PTPRF: variants seen among roughly 807,000 people sequenced by gnomAD.
PTPRF encodes protein tyrosine phosphatase receptor type F, also known as receptor-type tyrosine-protein phosphatase F.
A neutral mutation model predicts 201.8 loss-of-function variants in PTPRF; 59 were observed. The ratio of observed to expected loss-of-function variants is 0.29; its 90% CI spans 0.24 to 0.36. The LOEUF is 0.36. Ranked by LOEUF, PTPRF falls within the 10% of genes least tolerant of loss-of-function variation. PTPRF has a pLI of 1.00. For synonymous variants in PTPRF, 1,088 were observed against 1,089.7 expected (o/e 1.00, Z 0.03); for missense variants, 2,132 against 2,690.5 (o/e 0.79, Z 4.59).
In PTPRF at chr1:43,598,001, C is replaced by T. The variant is rs369762773; in HGVS notation, c.2067C>T (p.Asp689=). 1.2e-4 allele frequency: 176 copies of T among 1,529,574 alleles called. No individual in the cohort carries two copies. The highest frequency in any genetic ancestry group is 1.4e-4 in the Non-Finnish European group (153 of 1,132,006). 94.8% of individuals were successfully genotyped at this position (1,529,574 alleles called of 1,614,324 possible). ...GGGTGTGGGTGCGGGCACACACAGA[C>T]GTGGGCCCCGGCCCCGAGAGCAGCC... ...EYRVWVRAHT[D]VGPGPESSPV... is the part of the protein sequence containing the mutation. The change falls in exon 12 of 34, where the codon GAC becomes GAT. Residue 689 remains aspartate (D), a synonymous_variant. Transcript: ENST00000359947.
chr1:43,589,759 G>A (rs1358053741), intron 8 of PTPRF, among the ~76,000 whole-genome samples: 2 of 151,304 alleles, frequency 1.3e-5, no homozygotes, highest in Non-Finnish European at 2.9e-5. Context: ...TACTTGGGAG[G>A]GCTGAGACAG....
intron 2 of PTPRF, among the ~76,000 whole-genome samples, chr1:43,540,462 A>G (rs964419360): frequency 1.3e-5 from 2 of 152,134 alleles, no homozygotes; most frequent in African/African-American, 4.8e-5. Context: ...TGGAGGCACA[A>G]AGTTGGGAAA....
chr1:43,618,875 A>T (rs1367898774), intron 26 of PTPRF, 126 bp downstream of exon 26: 16 of 1,460,812 alleles, frequency 1.1e-5, no homozygotes, highest in Non-Finnish European at 9.3e-7. Flanking sequence ...CAGGTGTGTG[A>T]GTGATGTGAT....
intron 11 of PTPRF, among the ~76,000 whole-genome samples, chr1:43,594,358 G>T (rs1425222065): frequency 9.9e-6 from 1 of 100,906 alleles, no homozygotes; most frequent in African/African-American, 3.5e-5. Context: ...CTCCGGGAGA[G>T]TCTGCAGGCC....
In PTPRF at chr1:43,590,008, A is replaced by G. The variant is rs79168047; in HGVS notation, c.950-964A>G. On this transcript the variant is annotated intron_variant, in intron 8 of 33. Transcript: ENST00000359947. ...GTGACTCCCTTTTAGGAAAGGGAGA[A>G]ACACCTTCCAGTGGCTTCCCGTTGT... Among the ~76,000 whole-genome samples, 508 of 152,308 alleles carry G rather than the reference A, an allele frequency of 3.3e-3. 5 individuals are homozygous for G. The highest frequency in any genetic ancestry group is 0.01 in the Middle Eastern group (3 of 294).
intron 3 of PTPRF, among the ~76,000 whole-genome samples, chr1:43,548,691 C>T (rs1431887739): frequency 6.6e-6 from 1 of 152,182 alleles, no homozygotes; most frequent in Non-Finnish European, 1.5e-5. Flanking sequence ...AGGCTTGTCT[C>T]TGAGTGGGCT....
rs773533532 is a variant in PTPRF, at chr1:43,604,012, G to A, written c.2860G>A (p.Val954Met). The change falls in exon 16 of 34, where the codon GTG becomes ATG. Residue 954 changes from valine to methionine, a missense_variant. Around this residue, in one of 6 missense-constraint regions of PTPRF, gnomAD observed 818 missense variants for 915.3 expected, o/e 0.89. Coordinates refer to ENST00000359947, the MANE Select transcript of PTPRF (RefSeq NM_002840.5). The part of the protein sequence containing the change: ...RNGRIISYTV[V>M]FRDINSQQEL... Reference sequence around the variant, plus strand: ...CGGGCGCATCATCAGCTACACCGTGGTGTTCCGAGACATCAACAGCCAACA... The same window carrying A: ...CGGGCGCATCATCAGCTACACCGTGATGTTCCGAGACATCAACAGCCAACA... The A allele has an allele frequency of 1.2e-5, 20 of 1,614,106 alleles. No individual in the cohort carries two copies. In the South Asian group the frequency reaches 1.4e-4, roughly 12 times the overall value.
chr1:43,569,583 T>A lies in PTPRF; in HGVS notation c.380-7T>A. On this transcript the variant is annotated splice_polypyrimidine_tract_variant and splice_region_variant and intron_variant, in intron 5 of 33. Transcript: ENST00000359947. ...GCCCTAATACACACATTGCTGTTTG[T>A]CTGCAGAGGAACAGCTGCCCCCTGG... 6.3e-7 allele frequency: 1 copy of A among 1,595,214 alleles called. No individual in the cohort carries two copies. The highest frequency in any genetic ancestry group is 8.6e-7 in the Non-Finnish European group (1 of 1,168,582).
chr1:43,597,061 G>T lies in PTPRF; in HGVS notation c.1814-687G>T, dbSNP rs143288871. Reference sequence around the variant, plus strand: ...TGCGAGACAGCCTATGTATGTGACAGTGTGTGTGTGAGACACCATGAGAGA... The same window carrying T: ...TGCGAGACAGCCTATGTATGTGACATTGTGTGTGTGAGACACCATGAGAGA... On this transcript the variant is annotated intron_variant, in intron 11 of 33. Transcript: ENST00000359947. Among the ~76,000 whole-genome samples the T allele has an allele frequency of 7.0e-3, 1,060 of 152,060 alleles. 22 individuals are homozygous for T. Among genetic ancestry groups the T allele is most frequent in the African/African-American group, 0.025 (1,024 of 41,450 alleles).
intron 21 of PTPRF, among the ~76,000 whole-genome samples, 198 bp downstream of exon 21, chr1:43,607,166 G>T (rs1237044391): frequency 2.0e-5 from 3 of 152,242 alleles, no homozygotes; most frequent in African/African-American, 7.2e-5. Context: ...AGGTGAGGGA[G>T]CCTCTGCAGC....
At chr1:43,569,906 G>A (rs910574596) in intron 6 of PTPRF, 128 bp downstream of exon 6, 12 of 1,105,170 alleles carry the variant, frequency 1.1e-5, no homozygotes, top group Admixed American at 6.4e-5. Flanking sequence ...TGGTGGGGTG[G>A]GCTGGGTCTT....
chr1:43,589,866 TG>T (rs1199691637), intron 8 of PTPRF, among the ~76,000 whole-genome samples: 4 of 147,442 alleles, frequency 2.7e-5, no homozygotes, highest in Admixed American at 6.7e-5. Flanking sequence ...CGAGACCCTA[TG>T]AAAAAAAAAA....
intron 7 of PTPRF, chr1:43,582,609 T>G (rs1648000851): frequency 6.6e-6 from 1 of 152,310 alleles, no homozygotes; most frequent in Non-Finnish European, 1.5e-5. Context: ...GGACAGTGCC[T>G]TTTTCCCCAC....
At chr1:43,581,762 A>G (rs1647710849) in intron 7 of PTPRF, among the ~76,000 whole-genome samples, 1 of 152,174 alleles carries the variant, frequency 6.6e-6, no homozygotes, top group Admixed American at 6.5e-5. Flanking sequence ...ACCCCGTCCC[A>G]TCTCCCAGCA....
chr1:43,557,589 G>GCAAA (rs1645469231), intron 5 of PTPRF, among the ~76,000 whole-genome samples: 1 of 150,522 alleles, frequency 6.6e-6, no homozygotes, highest in African/African-American at 2.5e-5. Flanking sequence ...AGCTGAGATT[G>GCAAA]CGCCACTGCA....
chr1:43,533,864 C>T (rs1643855381), intron 1 of PTPRF, among the ~76,000 whole-genome samples: 3 of 152,176 alleles, frequency 2.0e-5, no homozygotes, highest in Admixed American at 2.0e-4. Flanking sequence ...GTGTGCCAGA[C>T]CCCGGGGTAG....
At chr1:43,551,994 C>G (rs767746629) in intron 3 of PTPRF, among the ~76,000 whole-genome samples, 2 of 152,148 alleles carry the variant, frequency 1.3e-5, no homozygotes, top group African/African-American at 2.4e-5. Context: ...TAGACCCTCT[C>G]CTCCTTGGAG....
chr1:43,556,886 G>T (rs6687669), intron 5 of PTPRF, among the ~76,000 whole-genome samples: 30 of 152,344 alleles, frequency 2.0e-4, no homozygotes, highest in African/African-American at 6.7e-4. Context: ...GGGTGATGCA[G>T]CTCCACTGCC....
chr1:43,600,628 T>C (rs933478276), intron 13 of PTPRF, among the ~76,000 whole-genome samples: 2 of 151,956 alleles, frequency 1.3e-5, no homozygotes, highest in Non-Finnish European at 2.9e-5. Flanking sequence ...CCATCATGCC[T>C]GAAGGAACTA....
Sources: gnomAD v4.1 joint callset for allele counts (sites outside exome capture counted in the v4.1 genomes callset) on GRCh38, gnomAD v4.1.1 for gene constraint, gnomAD v4.1.1 regional missense constraint, MANE v1.5 for transcripts, NCBI Gene and HGNC (gene_info 2026-07-23, HGNC 2026-07-21) for gene names.